The following GALNT18 variants were observed in gnomAD, a reference collection of about 807,000 sequenced individuals.
GALNT18 encodes the protein polypeptide N-acetylgalactosaminyltransferase 18, also known as GalNAc-transferase 18.
In GALNT18, 44 loss-of-function variants were observed where a neutral mutation model predicts 69.5. That is an observed-to-expected ratio of 0.63 (90% CI 0.50 to 0.81). The LOEUF is 0.81. Among genes scored for constraint, GALNT18 ranks in the 40% least tolerant of loss-of-function variants. GALNT18 has a pLI of 0.00. For synonymous variants in GALNT18, 364 were observed against 318.2 expected (o/e 1.14, Z -1.53); for missense variants, 715 against 810.0 (o/e 0.88, Z 1.42).
At chr11:11,370,281 C>A (rs970439387) in intron 6 of GALNT18, among the ~76,000 whole-genome samples, 1 of 152,136 alleles carries the variant, frequency 6.6e-6, no homozygotes, top group Non-Finnish European at 1.5e-5. Context: ...TGTTGATACA[C>A]AATCGTATGG....
chr11:11,330,254 G>A (rs1167753561), intron 8 of GALNT18, among the ~76,000 whole-genome samples: 1 of 152,120 alleles, frequency 6.6e-6, no homozygotes, highest in Non-Finnish European at 1.5e-5. Context: ...ATGTCATTTG[G>A]GCATGAGTTG....
At chr11:11,352,435 T>C in intron 6 of GALNT18, 3 of 1,614,138 alleles carry the variant, frequency 1.9e-6, no homozygotes, top group Non-Finnish European at 2.5e-6. Context: ...AATGGCTCCT[T>C]CCGAAAGATC....
chr11:11,483,184 T>C (rs1230769213), intron 1 of GALNT18, among the ~76,000 whole-genome samples: 2 of 152,160 alleles, frequency 1.3e-5, no homozygotes, highest in African/African-American at 4.8e-5. Flanking sequence ...CTTGCCTCTA[T>C]GCCTGCTGCT....
At chr11:11,407,218 G>A (rs1199969224) in intron 3 of GALNT18, among the ~76,000 whole-genome samples, 1 of 152,236 alleles carries the variant, frequency 6.6e-6, no homozygotes, top group African/African-American at 2.4e-5. Context: ...GATGGCTGTG[G>A]ATGGCAGGGG....
intron 9 of GALNT18, among the ~76,000 whole-genome samples, chr11:11,326,519 T>C (rs1038131316): frequency 6.6e-6 from 1 of 152,188 alleles, no homozygotes; most frequent in Non-Finnish European, 1.5e-5. Context: ...ATCTGAAGCT[T>C]AGACTATGAA....
At chr11:11,519,316 G>A (rs1275016115) in intron 1 of GALNT18, among the ~76,000 whole-genome samples, 1 of 152,194 alleles carries the variant, frequency 6.6e-6, no homozygotes, top group Non-Finnish European at 1.5e-5. Flanking sequence ...AAAGGGGGGA[G>A]CCATTACCAC....
At chr11:11,324,129 T>C (rs146856565) in intron 9 of GALNT18, among the ~76,000 whole-genome samples, 1 of 152,334 alleles carries the variant, frequency 6.6e-6, no homozygotes, top group Non-Finnish European at 1.5e-5. Context: ...AGAAACTGAA[T>C]AGGCCAGCAC....
chr11:11,577,896 G>C (rs11021944), intron 1 of GALNT18, among the ~76,000 whole-genome samples: 24,829 of 152,056 alleles, frequency 0.16, 2,154 homozygotes, highest in Admixed American at 0.25. Flanking sequence ...TGAGAGGGAG[G>C]AATACAGATT....
rs76865532 is a variant in GALNT18 at position 11,285,762 on chromosome 11, G to A, written c.1677+7267C>T. 5.4e-3 allele frequency among the ~76,000 whole-genome samples: 824 copies of A among 152,314 alleles called. 10 individuals are homozygous for A. The highest frequency in any genetic ancestry group is 0.019 in the African/African-American group (786 of 41,568). ...GGGGATTGGAGCAGGAGAAAGTCAAGGACTCCTCCTCCTCCTCTAGCATGG... is the reference window on the plus strand; with the variant it reads ...GGGGATTGGAGCAGGAGAAAGTCAAAGACTCCTCCTCCTCCTCTAGCATGG... On this transcript the variant is annotated intron_variant, in intron 10 of 10. Coordinates refer to ENST00000227756, the MANE Select transcript of GALNT18 (RefSeq NM_198516.3).
rs1339399552 is a variant in GALNT18 at position 11,332,850 on chromosome 11, G to A, written c.1279-19C>T. On this transcript the variant is annotated intron_variant, in intron 7 of 10. Transcript: ENST00000227756. The surrounding 1 kb of genome is among the most constrained non-coding windows in gnomAD (Gnocchi z 4.3). ...CTGAGTCCTGCACAGGGACGCAGAAGCAGAGATGAAGCCACTCCCAGGTTG... is the reference window on the plus strand; with the variant it reads ...CTGAGTCCTGCACAGGGACGCAGAAACAGAGATGAAGCCACTCCCAGGTTG... The A allele has an allele frequency of 2.5e-6, 4 of 1,609,772 alleles. No individual in the cohort carries two copies. In the Admixed American group the frequency reaches 6.7e-5, roughly 27 times the overall value.
At chr11:11,361,101 G>T (rs891462778) in intron 6 of GALNT18, among the ~76,000 whole-genome samples, 3 of 152,208 alleles carry the variant, frequency 2.0e-5, no homozygotes, top group African/African-American at 7.2e-5. Flanking sequence ...CCACTCAAAG[G>T]CAGGGGCTGT....
At chr11:11,281,711 A>G (rs1849078585) in intron 10 of GALNT18, among the ~76,000 whole-genome samples, 1 of 150,546 alleles carries the variant, frequency 6.6e-6, no homozygotes. Context: ...TCCCAAGCCC[A>G]GCCCAGCCAC....
At chr11:11,610,223 CT>C (rs1298807714) in intron 1 of GALNT18, among the ~76,000 whole-genome samples, 3 of 152,230 alleles carry the variant, frequency 2.0e-5, no homozygotes. Context: ...CCTATTTTCT[CT>C]TGATCAACAT....
chr11:11,290,876 C>A (rs1204325344), intron 10 of GALNT18, among the ~76,000 whole-genome samples: 2 of 152,124 alleles, frequency 1.3e-5, no homozygotes, highest in East Asian at 1.9e-4. Context: ...GCATGAAGAC[C>A]ATTTCGCCCC....
chr11:11,431,942 G>A (rs181325501), intron 3 of GALNT18, among the ~76,000 whole-genome samples: 149 of 152,284 alleles, frequency 9.8e-4, no homozygotes, highest in African/African-American at 3.2e-3. Context: ...ATGGCATATG[G>A]GGGGGCAAAG....
At position 11,448,885 on chromosome 11, in the gene GALNT18, G is replaced by A; in HGVS notation, c.287C>T (p.Ser96Phe). 6.2e-7 allele frequency: 1 copy of A among 1,606,564 alleles called. No homozygotes were observed. The highest frequency in any genetic ancestry group is 1.7e-4 in the Middle Eastern group (1 of 6,050). ...CTCCTGGCCCCAGTGTGCAAACAGA[G>A]AGGAGTCTGTGAAGGGCTCGGCCTC... ...EAEAEPFTDSSLFAHWGQELS... is the reference protein window; with the variant it reads ...EAEAEPFTDSFLFAHWGQELS... The change falls in exon 2 of 11, where the codon TCT (serine) becomes TTT (phenylalanine). Residue 96 changes from serine (S) to phenylalanine (F), a missense_variant. Coordinates refer to ENST00000227756, the MANE Select transcript of GALNT18 (RefSeq NM_198516.3).
chr11:11,565,891 T>G (rs547837965), intron 1 of GALNT18, among the ~76,000 whole-genome samples: 1 of 152,300 alleles, frequency 6.6e-6, no homozygotes, highest in African/African-American at 2.4e-5. Context: ...ACTAAATCTT[T>G]AAGACAGTGT....
chr11:11,290,709 C>CCCACCCCTAGCTGCA (rs766734170), intron 10 of GALNT18, among the ~76,000 whole-genome samples: 1 of 152,134 alleles, frequency 6.6e-6, no homozygotes, highest in Non-Finnish European at 1.5e-5. Flanking sequence ...ACCAGCCCTG[C>CCCACCCCTAGCTGCA]CCACCCCTAG....
chr11:11,572,119 G>A (rs1233377752), intron 1 of GALNT18, among the ~76,000 whole-genome samples: 3 of 152,260 alleles, frequency 2.0e-5, no homozygotes, highest in Non-Finnish European at 4.4e-5. Flanking sequence ...AAGCAGGCCT[G>A]TGCCGCAGGG....
Sources: gnomAD v4.1 joint callset for allele counts (sites outside exome capture counted in the v4.1 genomes callset) on GRCh38, gnomAD v4.1.1 for gene constraint, Gnocchi (gnomAD v3.1) non-coding constraint, MANE v1.5 for transcripts, NCBI Gene and HGNC (gene_info 2026-07-23, HGNC 2026-07-21) for gene names.